The following DSCAM variants were observed in gnomAD, a reference collection of about 807,000 sequenced individuals.
DSCAM encodes DS cell adhesion molecule, also known as cell adhesion molecule DSCAM.
In DSCAM, 47 loss-of-function variants were observed where a neutral mutation model predicts 217.7. The observed-to-expected ratio is 0.22, with a 90% CI of 0.17 to 0.28. DSCAM has a LOEUF of 0.28. DSCAM is among the 10% of genes least tolerant of loss of function. DSCAM has a pLI of 1.00. For synonymous variants in DSCAM, 1,056 were observed against 1,015.3 expected (o/e 1.04, Z -0.76); for missense variants, 2,080 against 2,618.3 (o/e 0.79, Z 4.49).
chr21:40,828,658 CTTT>C (rs35167327), intron 1 of DSCAM, among the ~76,000 whole-genome samples: 7 of 132,466 alleles, frequency 5.3e-5, no homozygotes, highest in African/African-American at 8.5e-5. Flanking sequence ...ACCCCACCCT[CTTT>C]TTTTTTTTTT....
chr21:40,762,538 G>A (rs961181575), intron 1 of DSCAM, among the ~76,000 whole-genome samples: 1 of 152,176 alleles, frequency 6.6e-6, no homozygotes, highest in Non-Finnish European at 1.5e-5. Flanking sequence ...GAGGTACAAA[G>A]AGGAGCTGAT....
At chr21:40,764,729 A>G (rs2091370129) in intron 1 of DSCAM, among the ~76,000 whole-genome samples, 1 of 152,268 alleles carries the variant, frequency 6.6e-6, no homozygotes, top group Non-Finnish European at 1.5e-5. Context: ...GACTGGATAA[A>G]GAAAATATGG....
chr21:40,460,638 A>ATAATGT (rs2075798685), intron 3 of DSCAM, among the ~76,000 whole-genome samples: 1 of 152,214 alleles, frequency 6.6e-6, no homozygotes, highest in Non-Finnish European at 1.5e-5. Flanking sequence ...CCACCCAAAA[A>ATAATGT]CATGATGGAT....
chr21:40,768,914 C>T (rs528727092), intron 1 of DSCAM, among the ~76,000 whole-genome samples: 44 of 152,286 alleles, frequency 2.9e-4, no homozygotes, highest in African/African-American at 1.1e-3. Flanking sequence ...AAGGTGGAGG[C>T]CCAATTGAGA....
chr21:40,289,666 A>G (rs1271009446), intron 10 of DSCAM, among the ~76,000 whole-genome samples: 1 of 152,186 alleles, frequency 6.6e-6, no homozygotes, highest in African/African-American at 2.4e-5. Context: ...TCAATCTCTT[A>G]CTGTGCCTGA....
At chr21:40,327,950 C>A (rs2074335932) in intron 8 of DSCAM, among the ~76,000 whole-genome samples, 1 of 151,900 alleles carries the variant, frequency 6.6e-6, no homozygotes, top group Non-Finnish European at 1.5e-5. Flanking sequence ...GGTGAAAGAT[C>A]TCTACAGTGA....
At chr21:40,458,730 T>G (rs1355516323) in intron 3 of DSCAM, among the ~76,000 whole-genome samples, 1 of 152,164 alleles carries the variant, frequency 6.6e-6, no homozygotes, top group African/African-American at 2.4e-5. Flanking sequence ...GTACTTTACC[T>G]AATTCTGTAA....
intron 16 of DSCAM, among the ~76,000 whole-genome samples, chr21:40,163,070 A>AACAC (rs3069756): frequency 0.025 from 3,579 of 143,206 alleles, 50 homozygotes; most frequent in African/African-American, 0.034. Flanking sequence ...GACCATGGCA[A>AACAC]ACACACACAC....
chr21:40,137,620 C>T lies in DSCAM; in HGVS notation c.3407-3611G>A, dbSNP rs1416571841. Among the ~76,000 whole-genome samples the T allele has an allele frequency of 7.9e-5, 10 of 126,600 alleles. No homozygotes were observed. The East Asian group carries it at 8.5e-4, about 11-fold the overall frequency. The allele number at this position is 126,600 out of a possible 152,430, so 83.1% of individuals were successfully genotyped here. On this transcript the variant is annotated intron_variant, in intron 18 of 32. Coordinates refer to ENST00000400454, the MANE Select transcript of DSCAM (RefSeq NM_001389.5). ...ACACACACACACACACACACACACA[C>T]ACACACACACACACACACACACACA...
At chr21:40,595,646 A>G (rs992330215) in intron 3 of DSCAM, among the ~76,000 whole-genome samples, 1 of 152,104 alleles carries the variant, frequency 6.6e-6, no homozygotes, top group Non-Finnish European at 1.5e-5. Flanking sequence ...CACATAAAAC[A>G]CTTATCAACA....
At chr21:40,058,941 T>C (rs1012203144) in intron 28 of DSCAM, among the ~76,000 whole-genome samples, 3 of 152,208 alleles carry the variant, frequency 2.0e-5, no homozygotes, top group Non-Finnish European at 2.9e-5. Context: ...TCTTCAACCA[T>C]CCATTTATTT....
At chr21:40,530,894 CA>C in intron 3 of DSCAM, among the ~76,000 whole-genome samples, 1 of 81,330 alleles carries the variant, frequency 1.2e-5, no homozygotes, top group African/African-American at 1.0e-4. Context: ...TCCATCCATC[CA>C]TCCATCCATC....
chr21:40,164,626 CCT>C (rs1284857916), intron 16 of DSCAM, among the ~76,000 whole-genome samples: 1 of 151,948 alleles, frequency 6.6e-6, no homozygotes, highest in South Asian at 2.1e-4. Context: ...GGTGAAAACC[CCT>C]GTCTCTATTA....
At chr21:40,413,427 A>G (rs890637167) in intron 3 of DSCAM, among the ~76,000 whole-genome samples, 1 of 152,368 alleles carries the variant, frequency 6.6e-6, no homozygotes, top group South Asian at 2.1e-4. Context: ...CTCTTGCATC[A>G]GCATGACCCA....
Position 40,673,891 on chromosome 21 carries a change from G to A in DSCAM, c.508+18919C>T, listed in dbSNP as rs1053515174. Among the ~76,000 whole-genome samples the A allele has an allele frequency of 2.6e-5, 4 of 152,092 alleles. No individual in the cohort carries two copies. The South Asian group carries it at 6.2e-4, about 24-fold the overall frequency. ...TCTATAGCCTGCAGAACCGTGAGCCGGTTAAATCTCTTTTCCTTATAAATT... is the reference window on the plus strand; with the variant it reads ...TCTATAGCCTGCAGAACCGTGAGCCAGTTAAATCTCTTTTCCTTATAAATT... On this transcript the variant is annotated intron_variant, in intron 3 of 32. Coordinates refer to ENST00000400454, the MANE Select transcript of DSCAM (RefSeq NM_001389.5).
intron 3 of DSCAM, among the ~76,000 whole-genome samples, chr21:40,659,453 T>C (rs2090114285): frequency 6.6e-6 from 1 of 152,116 alleles, no homozygotes; most frequent in South Asian, 2.1e-4. Context: ...CTATTCTGTT[T>C]TCTGTTTATT....
intron 1 of DSCAM, among the ~76,000 whole-genome samples, chr21:40,729,017 G>A (rs1275587098): frequency 6.6e-6 from 1 of 152,150 alleles, no homozygotes; most frequent in African/African-American, 2.4e-5. Context: ...TGTCTGCCAA[G>A]AAAATATCAC....
chr21:40,452,401 C>T (rs554893116), intron 3 of DSCAM, among the ~76,000 whole-genome samples: 1 of 151,876 alleles, frequency 6.6e-6, no homozygotes, highest in East Asian at 1.9e-4. Context: ...ACGTGTGCAT[C>T]GGGACATAAA....
intron 3 of DSCAM, among the ~76,000 whole-genome samples, chr21:40,630,321 C>T (rs1479481881): frequency 2.6e-5 from 4 of 152,170 alleles, no homozygotes; most frequent in African/African-American, 9.7e-5. Context: ...GTATAGTCAA[C>T]ACTTAAAAAT....
Sources: gnomAD v4.1 joint callset for allele counts (sites outside exome capture counted in the v4.1 genomes callset) on GRCh38, gnomAD v4.1.1 for gene constraint, MANE v1.5 for transcripts, NCBI Gene and HGNC (gene_info 2026-07-23, HGNC 2026-07-21) for gene names.